The following EXOC4 variants were observed in gnomAD, a reference collection of about 807,000 sequenced individuals.
The protein encoded by EXOC4 is SEC8-like 1.
Under a neutral mutation model 107.2 loss-of-function variants are expected in EXOC4, and 71 were observed. The observed-to-expected ratio is 0.66, with a 90% confidence interval of 0.55 to 0.81. The LOEUF is 0.81. Ranked by LOEUF, EXOC4 falls within the 30% of genes least tolerant of loss-of-function variation. The pLI, the probability that EXOC4 is intolerant of heterozygous loss-of-function variation, is 0.00. For missense variants in EXOC4, 1,108 were observed against 1,189.6 expected (o/e 0.93, Z 1.01); for synonymous variants, 456 against 441.2 (o/e 1.03, Z -0.42).
At chr7:133,403,589 C>T (rs1227685830) in intron 7 of EXOC4, among the ~76,000 whole-genome samples, 1 of 152,156 alleles carries the variant, frequency 6.6e-6, no homozygotes, top group Non-Finnish European at 1.5e-5. Flanking sequence ...CTGTATTCTC[C>T]ATTTCAGTAA....
chr7:133,823,844 T>A (rs1351324623), intron 11 of EXOC4, among the ~76,000 whole-genome samples: 227 of 1,524 alleles, frequency 0.15, 5 homozygotes, highest in Admixed American at 0.33. Flanking sequence ...ATATATATAT[T>A]ATATATATAT....
intron 9 of EXOC4, among the ~76,000 whole-genome samples, chr7:133,559,471 C>A (rs763368783): frequency 3.3e-5 from 5 of 152,086 alleles, no homozygotes; most frequent in Admixed American, 6.6e-5. Flanking sequence ...AAAAGGGTCT[C>A]AGTATCTTTT....
At chr7:133,356,299 T>G (rs1796018625) in intron 5 of EXOC4, 31 bp from the exon 6 acceptor site, 1 of 1,609,382 alleles carries the variant, frequency 6.2e-7, no homozygotes, top group South Asian at 1.1e-5. Flanking sequence ...GTGGAGTCTG[T>G]ATCTATTATT....
At chr7:133,561,210 T>C (rs1360433740) in intron 9 of EXOC4, among the ~76,000 whole-genome samples, 1 of 152,196 alleles carries the variant, frequency 6.6e-6, no homozygotes, top group South Asian at 2.1e-4. Flanking sequence ...AGCAAGCACA[T>C]GGCTTTTTAA....
intron 10 of EXOC4, among the ~76,000 whole-genome samples, chr7:133,814,622 CT>C (rs1797320876): frequency 6.6e-6 from 1 of 152,112 alleles, no homozygotes; most frequent in African/African-American, 2.4e-5. Context: ...AAGGGTTGTA[CT>C]ATTTTTCACT....
rs144493443 is a variant in EXOC4, at chr7:133,879,104, T to A, written c.1735-16495T>A. ...TTTATTAGGGGCCACAAAATGGTTA[T>A]TTTTTATTTATTTTTTTGAGACAGA... On this transcript the variant is annotated intron_variant, in intron 11 of 17. Coordinates refer to ENST00000253861, the MANE Select transcript of EXOC4 (RefSeq NM_021807.4). 6.6e-5 allele frequency among the ~76,000 whole-genome samples: 10 copies of A among 152,240 alleles called. No homozygotes were observed. In the East Asian group the frequency reaches 1.9e-3, roughly 29 times the overall value.
chr7:134,009,952 A>G (rs1794727442), intron 17 of EXOC4: 1 of 152,176 alleles, frequency 6.6e-6, no homozygotes, highest in African/African-American at 2.4e-5. Context: ...CTGAGTCCCA[A>G]CCACGCCTTG....
chr7:133,805,332 A>G (rs1797049608), intron 10 of EXOC4, among the ~76,000 whole-genome samples: 1 of 152,192 alleles, frequency 6.6e-6, no homozygotes, highest in Non-Finnish European at 1.5e-5. Context: ...GAAATAGACC[A>G]CATGATCATT....
chr7:133,269,830 T>C (rs1302031687), intron 1 of EXOC4, among the ~76,000 whole-genome samples: 2 of 152,166 alleles, frequency 1.3e-5, no homozygotes, highest in African/African-American at 4.8e-5. Flanking sequence ...GGCAGGTTAG[T>C]GAAGCCATTA....
intron 10 of EXOC4, among the ~76,000 whole-genome samples, chr7:133,703,403 G>A (rs1052516775): frequency 6.6e-6 from 1 of 152,140 alleles, no homozygotes; most frequent in African/African-American, 2.4e-5. Context: ...TTCACATTTA[G>A]GGGGAGTATA....
intron 10 of EXOC4, among the ~76,000 whole-genome samples, chr7:133,730,296 A>G (rs777189270): frequency 3.3e-5 from 5 of 151,622 alleles, no homozygotes; most frequent in African/African-American, 4.8e-5. Context: ...AAATGGGCTT[A>G]AAATTACATT....
intron 12 of EXOC4, among the ~76,000 whole-genome samples, chr7:133,904,496 T>G (rs890191243): frequency 6.6e-6 from 1 of 152,220 alleles, no homozygotes; most frequent in Non-Finnish European, 1.5e-5. Flanking sequence ...CATATTCTGG[T>G]CATCAGGAGC....
intron 7 of EXOC4, among the ~76,000 whole-genome samples, chr7:133,387,032 T>C (rs1796743528): frequency 2.0e-5 from 3 of 152,054 alleles, no homozygotes; most frequent in Admixed American, 2.0e-4. Context: ...AGTTTTGTTA[T>C]CTTTACTATC....
intron 10 of EXOC4, among the ~76,000 whole-genome samples, chr7:133,685,922 G>A (rs1044664893): frequency 6.6e-6 from 1 of 152,010 alleles, no homozygotes; most frequent in Non-Finnish European, 1.5e-5. Flanking sequence ...CTCACTCCAT[G>A]TCCATGCGTA....
chr7:133,666,421 T>A (rs1244377659), intron 10 of EXOC4, among the ~76,000 whole-genome samples: 1 of 152,136 alleles, frequency 6.6e-6, no homozygotes, highest in East Asian at 1.9e-4. Context: ...ATGTCATATA[T>A]TAAGGTGGTG....
chr7:133,720,048 C>G (rs1038028721), intron 10 of EXOC4, among the ~76,000 whole-genome samples: 1 of 152,156 alleles, frequency 6.6e-6, no homozygotes, highest in Non-Finnish European at 1.5e-5. Context: ...CTGTGGACCT[C>G]TTGGGGCAAG....
chr7:133,844,066 A>C (rs941718628), intron 11 of EXOC4, among the ~76,000 whole-genome samples: 1 of 152,138 alleles, frequency 6.6e-6, no homozygotes, highest in Admixed American at 6.5e-5. Context: ...TCAGTTTGCT[A>C]GTATTTTGTT....
intron 14 of EXOC4, among the ~76,000 whole-genome samples, chr7:133,954,781 G>C (rs1380377481): frequency 1.3e-5 from 2 of 152,238 alleles, no homozygotes; most frequent in East Asian, 3.8e-4. Context: ...AGCAGCAAGA[G>C]GGGTGTGAGC....
chr7:133,384,770 T>C (rs1796690810), intron 7 of EXOC4, among the ~76,000 whole-genome samples: 1 of 146,952 alleles, frequency 6.8e-6, no homozygotes, highest in Non-Finnish European at 1.5e-5. Context: ...GTGGAAGCAA[T>C]GAGTATGTCT....
Sources: gnomAD v4.1 joint callset for allele counts (sites outside exome capture counted in the v4.1 genomes callset) on GRCh38, gnomAD v4.1.1 for gene constraint, MANE v1.5 for transcripts, NCBI Gene and HGNC (gene_info 2026-07-23, HGNC 2026-07-21) for gene names.